PNISR: variants seen among roughly 807,000 people sequenced by gnomAD.
PNISR encodes the protein arginine/serine-rich protein PNISR.
A neutral mutation model predicts 93.4 loss-of-function variants in PNISR; 20 were observed. The ratio of observed to expected loss-of-function variants is 0.21; its 90% CI spans 0.15 to 0.31. The LOEUF (loss-of-function observed/expected upper bound fraction) is 0.31, where lower values mean the gene tolerates loss of function less well. Among genes scored for constraint, PNISR ranks in the 10% least tolerant of loss-of-function variants. The pLI is 1.00. For synonymous variants in PNISR, 305 were observed against 306.5 expected (o/e 0.99, Z 0.05); for missense variants, 893 against 985.4 (o/e 0.91, Z 1.25).
chr6:99,406,459 C>T (rs535135796), intron 7 of PNISR, among the ~76,000 whole-genome samples: 1 of 152,150 alleles, frequency 6.6e-6, no homozygotes, highest in African/African-American at 2.4e-5. Context: ...AAACATAATG[C>T]CCAGAGACTG....
At chr6:99,409,406 C>T (rs116072942) in intron 5 of PNISR, 62 bp from the exon 6 acceptor site, 28 of 1,469,796 alleles carry the variant, frequency 1.9e-5, no homozygotes, top group African/African-American at 8.4e-5. Context: ...CTGGGACACA[C>T]GTGTGTTATG....
Position 99,399,804 on chromosome 6 carries a change from A to G in PNISR, c.*736T>C, listed in dbSNP as rs1775248951. ...TAAAGTTGGAATCTGGCAAAAGTCC[A>G]TGGGTACAATTTACAAACTTTGACA... On this transcript the variant is annotated 3_prime_UTR_variant, in exon 12 of 12. Transcript: ENST00000369239. 1 of 152,250 alleles carries G rather than the reference A, an allele frequency of 6.6e-6. No individual in the cohort carries two copies. Among genetic ancestry groups the G allele is most frequent in the Non-Finnish European group, 1.5e-5 (1 of 68,030 alleles). 9.4% of individuals were successfully genotyped at this position (152,250 alleles called of 1,614,324 possible). A position where few individuals can be genotyped will look rare whatever the true frequency, so the allele number is the denominator to read the frequency against.
At chr6:99,405,120 C>A (rs942120325) in intron 8 of PNISR, among the ~76,000 whole-genome samples, 13 of 152,008 alleles carry the variant, frequency 8.6e-5, no homozygotes, top group African/African-American at 3.1e-4. Context: ...TCAGAGCAGC[C>A]ATTTCAAGGA....
At chr6:99,418,284 C>T (rs1395778046) in intron 1 of PNISR, among the ~76,000 whole-genome samples, 2 of 151,662 alleles carry the variant, frequency 1.3e-5, no homozygotes, top group Non-Finnish European at 2.9e-5. Context: ...ATTACAGCTG[C>T]TCGCCACCAA....
At position 99,402,389 on chromosome 6, in the gene PNISR, A is replaced by C. The variant is rs554883765; in HGVS notation, c.1327+151T>G. On this transcript the variant is annotated intron_variant, in intron 11 of 11. Coordinates refer to ENST00000369239, the MANE Select transcript of PNISR (RefSeq NM_032870.4). ...CACTGCAATAAATGGCTCCTAAAAC[A>C]ACCAAACAAAAATTGTGACTTTAGT... 8.9e-6 allele frequency: 5 copies of C among 564,266 alleles called. No homozygotes were observed. The East Asian group carries it at 9.4e-5, about 11-fold the overall frequency. 35.0% of individuals were successfully genotyped at this position (564,266 alleles called of 1,614,324 possible).
intron 1 of PNISR, among the ~76,000 whole-genome samples, chr6:99,423,237 C>G (rs550851033): frequency 4.0e-5 from 6 of 150,784 alleles, no homozygotes; most frequent in African/African-American, 1.5e-4. Context: ...ATTTGAGCAA[C>G]AAAATAAAGA....
chr6:99,414,356 C>A (rs1777388672), intron 3 of PNISR, among the ~76,000 whole-genome samples: 1 of 152,192 alleles, frequency 6.6e-6, no homozygotes, highest in Admixed American at 6.5e-5. Flanking sequence ...AATGTAAAAT[C>A]TTCAAAAAGC....
At chr6:99,402,058 T>G (rs1474713218) in intron 11 of PNISR, among the ~76,000 whole-genome samples, 1 of 152,176 alleles carries the variant, frequency 6.6e-6, no homozygotes, top group African/African-American at 2.4e-5. Context: ...TTCCCTTTTG[T>G]CCAACTAAAG....
intron 11 of PNISR, among the ~76,000 whole-genome samples, chr6:99,401,841 T>C (rs1432906801): frequency 6.6e-6 from 1 of 152,218 alleles, no homozygotes; most frequent in African/African-American, 2.4e-5. Context: ...AATATTATCA[T>C]TTCAACACAT....
intron 4 of PNISR, among the ~76,000 whole-genome samples, chr6:99,411,426 A>G (rs1776895072): frequency 1.3e-5 from 2 of 152,168 alleles, no homozygotes; most frequent in South Asian, 4.1e-4. Flanking sequence ...TCACTTGCCC[A>G]GGGTCACAAA....
chr6:99,417,342 C>T (rs1296854232), intron 1 of PNISR, among the ~76,000 whole-genome samples: 1 of 152,180 alleles, frequency 6.6e-6, no homozygotes, highest in Non-Finnish European at 1.5e-5. Context: ...TTGTCATGGA[C>T]AACTTTTTTA....
At position 99,401,094 on chromosome 6, in the gene PNISR, G is replaced by C. The variant is rs144702902; in HGVS notation, c.1864C>G (p.Arg622Gly). ...CGATTGGTTCGTCTATCCCTTGAGC[G>C]ACTTCTACTTCTACGTCTCTCTCGG... ...PSRERRRSRS[R>G]SRDRRTNRAS... Residue 622 changes from arginine to glycine, a missense_variant, in exon 12 of 12, where the codon CGC (arginine) becomes GGC (glycine). This residue lies in a region of PNISR where 866 missense variants were observed against 935.1 expected (regional missense o/e 0.93). Coordinates refer to ENST00000369239, the MANE Select transcript of PNISR (RefSeq NM_032870.4). 9 of 1,613,628 alleles carry C rather than the reference G, an allele frequency of 5.6e-6. No individual in the cohort carries two copies. The highest frequency in any genetic ancestry group is 7.6e-6 in the Non-Finnish European group (9 of 1,179,988).
intron 2 of PNISR, chr6:99,414,923 A>G (rs993660803): frequency 9.4e-5 from 23 of 243,422 alleles, no homozygotes; most frequent in Middle Eastern, 2.6e-3. Context: ...TTAGCTCAAA[A>G]AAGACTTTAA....
At chr6:99,424,966 C>G (rs1018136258) in intron 1 of PNISR, 1 of 344,432 alleles carries the variant, frequency 2.9e-6, no homozygotes, top group African/African-American at 2.1e-5. Context: ...CCTTCTCGTC[C>G]GAGAGGAAAC....
At position 99,398,401 on chromosome 6, in the gene PNISR, G is replaced by A. The variant is rs906638761; in HGVS notation, c.*2139C>T. ...ACCTTATAAAACCTTACCACTCAAG[G>A]TAAATAAATACTATATCACATGTCA... On this transcript the variant is annotated 3_prime_UTR_variant, in exon 12 of 12. Coordinates refer to ENST00000369239, the MANE Select transcript of PNISR (RefSeq NM_032870.4). The A allele has an allele frequency of 2.0e-5, 3 of 151,956 alleles. No homozygotes were observed. The highest frequency in any genetic ancestry group is 7.2e-5 in the African/African-American group (3 of 41,386). 9.4% of individuals were successfully genotyped at this position (151,956 alleles called of 1,614,324 possible).
chr6:99,416,437 A>G lies in PNISR; in HGVS notation c.-111-9T>C, dbSNP rs1777706623. ...GCAAGATTATGTATGCCCTAGGGGG[A>G]AAAAAAGTAGATGTCTGCTTATAGA... On this transcript the variant is annotated splice_polypyrimidine_tract_variant and intron_variant, in intron 1 of 11. Coordinates refer to ENST00000369239, the MANE Select transcript of PNISR (RefSeq NM_032870.4). 10 of 1,062,072 alleles carry G rather than the reference A, an allele frequency of 9.4e-6. No homozygotes were observed. Among genetic ancestry groups the G allele is most frequent in the Middle Eastern group, 3.5e-4 (1 of 2,888 alleles). The allele number at this position is 1,062,072 out of a possible 1,614,324, so 65.8% of individuals were successfully genotyped here. A position where few individuals can be genotyped will look rare whatever the true frequency, so the allele number is the denominator to read the frequency against.
At chr6:99,417,876 G>C (rs763645545) in intron 1 of PNISR, among the ~76,000 whole-genome samples, 36 of 150,160 alleles carry the variant, frequency 2.4e-4, no homozygotes, top group Admixed American at 6.7e-4. Flanking sequence ...GCTGAGACAG[G>C]AGAATTGCTT....
intron 1 of PNISR, among the ~76,000 whole-genome samples, chr6:99,422,969 C>G (rs10457647): frequency 6.6e-6 from 1 of 150,884 alleles, no homozygotes; most frequent in Admixed American, 6.6e-5. Context: ...AGCGAGAGCG[C>G]CCAAAATGAC....
intron 10 of PNISR, chr6:99,403,495 A>C (rs1775777112): frequency 6.2e-6 from 1 of 160,144 alleles, no homozygotes; most frequent in Admixed American, 6.4e-5. Context: ...CTTAGATACT[A>C]TCATGGCTAA....
Sources: gnomAD v4.1 joint callset for allele counts (sites outside exome capture counted in the v4.1 genomes callset) on GRCh38, gnomAD v4.1.1 for gene constraint, gnomAD v4.1.1 regional missense constraint, MANE v1.5 for transcripts, NCBI Gene and HGNC (gene_info 2026-07-23, HGNC 2026-07-21) for gene names.